The following ARSG variants were observed in gnomAD, a reference collection of about 807,000 sequenced individuals.
ARSG encodes arylsulfatase G.
A neutral mutation model predicts 50.5 loss-of-function variants in ARSG; 37 were observed. The ratio of observed to expected loss-of-function variants is 0.73; its 90% CI spans 0.56 to 0.96. The LOEUF is 0.96. Among genes scored for constraint, ARSG ranks in the 50% least tolerant of loss-of-function variants. The probability of loss-of-function intolerance (pLI) is 0.00; values close to 1 mark genes in which losing one functional copy is unlikely to be tolerated. For missense variants in ARSG, 629 were observed against 675.3 expected, an observed-to-expected ratio of 0.93 and a Z score of 0.76; for synonymous variants, 225 against 254.6, an observed-to-expected ratio of 0.88 and a Z score of 1.11.
chr17:68,351,533 T>G, intron 4 of ARSG, 42 bp from the exon 5 acceptor site: 1 of 1,098,340 alleles, frequency 9.1e-7, no homozygotes, highest in Non-Finnish European at 1.4e-6. Context: ...GCACATGGAG[T>G]CGCAGCCACG....
At chr17:68,447,615 T>C in the ARSG span, among the ~76,000 whole-genome samples, 9 of 152,090 alleles carry the variant, frequency 5.9e-5, no homozygotes, top group African/African-American at 2.2e-4. Flanking sequence ...GGACTCAAAC[T>C]CCTGGGCTCA....
In ARSG at chr17:68,305,840, A is replaced by G. The variant is rs552730323; in HGVS notation, c.-551-1103A>G. Among the ~76,000 whole-genome samples, 5 of 152,128 alleles carry G rather than the reference A, an allele frequency of 3.3e-5. No homozygotes were observed. In the East Asian group the frequency reaches 7.8e-4, roughly 24 times the overall value. ...TGTAATCCCAGCACTTAAGGAGGCC[A>G]AGGCGGGCAGATCACTTGAGAGGTC... On this transcript the variant is annotated intron_variant, in intron 1 of 11. Transcript: ENST00000621439.
downstream of ARSG, chr17:68,427,249 G>A (rs2147774193): frequency 1.2e-6 from 2 of 1,612,774 alleles, no homozygotes; most frequent in Middle Eastern, 3.3e-4. Context: ...CCTGAGCCAA[G>A]CAAGCTACTT....
At chr17:68,262,196 G>T (rs544841594) in intron 1 of ARSG, among the ~76,000 whole-genome samples, 1 of 151,784 alleles carries the variant, frequency 6.6e-6, no homozygotes, top group Non-Finnish European at 1.5e-5. Flanking sequence ...AAAGGGCCGG[G>T]CGTAGTGGCT....
intron 5 of ARSG, among the ~76,000 whole-genome samples, chr17:68,353,198 C>G (rs1448303529): frequency 4.6e-5 from 7 of 151,090 alleles, no homozygotes; most frequent in Non-Finnish European, 1.0e-4. Flanking sequence ...ACCACAATTA[C>G]TTTTGCACCA....
chr17:68,289,843 C>T (rs2075928310), upstream of ARSG, among the ~76,000 whole-genome samples: 1 of 152,162 alleles, frequency 6.6e-6, no homozygotes. Flanking sequence ...ACTCATTACA[C>T]TGGAAGGAGC....
the ARSG span, among the ~76,000 whole-genome samples, chr17:68,432,952 T>C: frequency 3.9e-5 from 6 of 152,258 alleles, no homozygotes; most frequent in Non-Finnish European, 7.3e-5. Context: ...CTAGAGATTT[T>C]ATCCATTTTT....
chr17:68,426,042 T>C (rs1246368722), downstream of ARSG: 1 of 1,589,604 alleles, frequency 6.3e-7, no homozygotes, highest in Admixed American at 1.7e-5. Context: ...GCACACAGAC[T>C]GAGCCGCCCA....
downstream of ARSG, chr17:68,426,254 G>GCCCCCCCCCCC: frequency 1.2e-6 from 1 of 816,876 alleles, no homozygotes; most frequent in East Asian, 3.5e-5. Context: ...GGGAGCGGGG[G>GCCCCCCCCCCC]CTCAAATAAA....
At chr17:68,289,383 T>C (rs139845167), upstream of ARSG, among the ~76,000 whole-genome samples, 839 of 152,274 alleles carry the variant, frequency 5.5e-3, 4 homozygotes, top group Non-Finnish European at 9.2e-3. Flanking sequence ...CGAGAGAAGA[T>C]TTGGCCCGAG....
chr17:68,293,259 A>T (rs1555756953), intron 1 of ARSG, among the ~76,000 whole-genome samples: 1 of 152,210 alleles, frequency 6.6e-6, no homozygotes, highest in East Asian at 1.9e-4. Flanking sequence ...CTCTATATGG[A>T]AATATCATGT....
At chr17:68,450,865 G>A in the ARSG span, 1 of 1,613,894 alleles carries the variant, frequency 6.2e-7, no homozygotes, top group Non-Finnish European at 8.5e-7. Flanking sequence ...CTGGAGAAGA[G>A]GCGCTCCACG....
At chr17:68,379,974 G>C in intron 8 of ARSG, 9 of 668,498 alleles carry the variant, frequency 1.3e-5, no homozygotes, top group Non-Finnish European at 1.7e-5. Context: ...TGAGCGACAC[G>C]GATTTGAACT....
the ARSG span, among the ~76,000 whole-genome samples, chr17:68,449,146 T>A: frequency 1.3e-5 from 2 of 152,248 alleles, no homozygotes; most frequent in Non-Finnish European, 2.9e-5. Context: ...TTGTCCTCAA[T>A]GAATGCAGCA....
chr17:68,335,399 A>G (rs1256192283), intron 2 of ARSG, among the ~76,000 whole-genome samples: 3 of 151,826 alleles, frequency 2.0e-5, no homozygotes, highest in Non-Finnish European at 2.9e-5. Flanking sequence ...TAAAAATACA[A>G]AAAAATTAGC....
chr17:68,411,410 C>T (rs1472879941), intron 11 of ARSG, among the ~76,000 whole-genome samples: 1 of 152,192 alleles, frequency 6.6e-6, no homozygotes, highest in Non-Finnish European at 1.5e-5. Flanking sequence ...GCAGGTTATT[C>T]AGTTTCCATG....
the ARSG span, among the ~76,000 whole-genome samples, chr17:68,446,840 C>T: frequency 6.6e-6 from 1 of 152,292 alleles, no homozygotes; most frequent in South Asian, 2.1e-4. Context: ...ACCATCTGCT[C>T]TGCGGCTCAC....
Position 68,307,453 on chromosome 17 carries a change from C to T in ARSG, c.-41C>T, listed in dbSNP as rs782639126. The T allele has an allele frequency of 6.6e-7, 1 of 1,514,506 alleles. No homozygotes were observed. The highest frequency in any genetic ancestry group is 9.1e-7 in the Non-Finnish European group (1 of 1,098,104). 93.8% of individuals were successfully genotyped at this position (1,514,506 alleles called of 1,614,324 possible). A position where few individuals can be genotyped will look rare whatever the true frequency, so the allele number is the denominator to read the frequency against. On this transcript the variant is annotated 5_prime_UTR_variant, in exon 2 of 12. Transcript: ENST00000621439. ...CTCTCAGAAAAATCTCTAGTGGTGG[C>T]TGCCGTCGCTCCAGACAATCGGAAT...
At chr17:68,294,876 A>G (rs2076150933) in intron 1 of ARSG, among the ~76,000 whole-genome samples, 1 of 152,170 alleles carries the variant, frequency 6.6e-6, no homozygotes, top group African/African-American at 2.4e-5. Context: ...GTTTGTAGGA[A>G]GGCAGGGCCC....
Sources: allele counts gnomAD v4.1 joint callset (sites outside exome capture counted in the v4.1 genomes callset), GRCh38; gene constraint gnomAD v4.1.1; transcripts MANE v1.5; gene names NCBI Gene and HGNC (gene_info 2026-07-23, HGNC 2026-07-21).